Variants in ARHGEF10 observed in about 807,000 individuals in gnomAD.
ARHGEF10 encodes Rho guanine nucleotide exchange factor (GEF) 10.
Under a neutral mutation model 147.4 loss-of-function variants are expected in ARHGEF10, and 140 were observed. The observed-to-expected ratio is 0.95, with a 90% CI of 0.83 to 1.09. The LOEUF is 1.09. Among genes scored for constraint, ARHGEF10 ranks in the 50% least tolerant of loss-of-function variants. ARHGEF10 has a pLI of 0.00. For missense variants in ARHGEF10, 2,222 were observed against 1,752.7 expected, an observed-to-expected ratio of 1.27 and a Z score of -4.78; for synonymous variants, 902 against 695.8, an observed-to-expected ratio of 1.30 and a Z score of -4.67.
At chr8:1,899,904 G>C (rs1173705545) in intron 15 of ARHGEF10, among the ~76,000 whole-genome samples, 1 of 152,184 alleles carries the variant, frequency 6.6e-6, no homozygotes, top group African/African-American at 2.4e-5. Context: ...TTCAGCCACA[G>C]CTGGGAGAGT....
chr8:1,926,725 T>G (rs1812722323), intron 23 of ARHGEF10: 2 of 534,682 alleles, frequency 3.7e-6, no homozygotes, highest in South Asian at 4.2e-5. Context: ...CAGAGACAAC[T>G]AACTAATAAG....
At chr8:1,907,540 C>G (rs1350192206) in intron 17 of ARHGEF10, among the ~76,000 whole-genome samples, 1 of 152,204 alleles carries the variant, frequency 6.6e-6, no homozygotes, top group Non-Finnish European at 1.5e-5. Context: ...CTCCAGAACC[C>G]CTCAGGCTGC....
intron 21 of ARHGEF10, among the ~76,000 whole-genome samples, chr8:1,924,968 A>G (rs1812574048): frequency 6.6e-6 from 1 of 152,230 alleles, no homozygotes; most frequent in African/African-American, 2.4e-5. Flanking sequence ...CTGGAGAAAG[A>G]TAAAGGGAAG....
intron 25 of ARHGEF10, among the ~76,000 whole-genome samples, chr8:1,929,923 T>C (rs1812987358): frequency 6.6e-6 from 1 of 152,192 alleles, no homozygotes; most frequent in Non-Finnish European, 1.5e-5. Context: ...GACGAGGCCC[T>C]CCCTGGCCCA....
rs544299919 is a variant in ARHGEF10, at chr8:1,852,194, G to C, written c.38-5766G>C. The stretch of plus-strand genomic sequence containing the variant: ...AGCCATGTGTGACTTGAGCTGTCCT[G>C]CGGGCCCTCTAGAACCTCTCCATCA... On this transcript the variant is annotated intron_variant, in intron 2 of 28. Transcript: ENST00000349830. Among the ~76,000 whole-genome samples the C allele has an allele frequency of 3.3e-5, 5 of 152,318 alleles. No individual in the cohort carries two copies. The East Asian group carries it at 9.7e-4, about 29-fold the overall frequency.
At chr8:1,839,965 T>G (rs1803882706) in intron 1 of ARHGEF10, among the ~76,000 whole-genome samples, 1 of 148,614 alleles carries the variant, frequency 6.7e-6, no homozygotes, top group Non-Finnish European at 1.5e-5. Context: ...GTGGAAGCTG[T>G]CTGGTGTGGA....
chr8:1,951,578 A>T (rs1203017358), intron 27 of ARHGEF10, among the ~76,000 whole-genome samples: 1 of 152,172 alleles, frequency 6.6e-6, no homozygotes, highest in Admixed American at 6.5e-5. Flanking sequence ...GTTGTTTTTC[A>T]TGCTCTTTAT....
chr8:1,859,932 G>A lies in ARHGEF10; in HGVS notation c.229G>A (p.Val77Met). 6.2e-7 allele frequency: 1 copy of A among 1,614,210 alleles called. No individual in the cohort carries two copies. The highest frequency in any genetic ancestry group is 8.5e-7 in the Non-Finnish European group (1 of 1,180,042). ...EDGAGAETTP[V>M]AEPTKLVLPM... Reference sequence around the variant, plus strand: ...TGGAGCTGGAGCAGAAACCACCCCAGTGGCAGAGCCTACTAAGCTGGTGCT... The same window carrying A: ...TGGAGCTGGAGCAGAAACCACCCCAATGGCAGAGCCTACTAAGCTGGTGCT... The change falls in exon 4 of 29, where the codon GTG becomes ATG. Residue 77 changes from valine to methionine, a missense_variant. Transcript: ENST00000349830.
chr8:1,940,829 A>G (rs1585622785), intron 26 of ARHGEF10, among the ~76,000 whole-genome samples: 2 of 152,240 alleles, frequency 1.3e-5, no homozygotes, highest in African/African-American at 4.8e-5. Flanking sequence ...GTGAAAATCA[A>G]TCAGTGGAAT....
intron 1 of ARHGEF10, among the ~76,000 whole-genome samples, chr8:1,835,031 C>T (rs1421144659): frequency 2.0e-5 from 3 of 152,256 alleles, no homozygotes; most frequent in Non-Finnish European, 2.9e-5. Flanking sequence ...GCTCTGAGCT[C>T]GGCTCGGTCG....
chr8:1,928,032 T>G (rs1305647482), intron 23 of ARHGEF10, among the ~76,000 whole-genome samples: 1 of 152,236 alleles, frequency 6.6e-6, no homozygotes, highest in Non-Finnish European at 1.5e-5. Flanking sequence ...TTTTTCCTAT[T>G]TGAAAGGTTT....
intron 13 of ARHGEF10, among the ~76,000 whole-genome samples, chr8:1,894,800 C>T (rs1239996121): frequency 6.6e-6 from 1 of 152,228 alleles, no homozygotes; most frequent in South Asian, 2.1e-4. Context: ...AGACACTGGA[C>T]AGAAGCTGTA....
intron 1 of ARHGEF10, among the ~76,000 whole-genome samples, 196 bp from the exon 2 acceptor site, chr8:1,843,157 T>C (rs1349502307): frequency 3.9e-5 from 6 of 152,220 alleles, no homozygotes; most frequent in African/African-American, 1.4e-4. Flanking sequence ...AGAAGTCTCT[T>C]TTGTTTTGCT....
At position 1,936,714 on chromosome 8, in the gene ARHGEF10, G is replaced by C. The variant is rs1001634069; in HGVS notation, c.3222+2772G>C. 3.3e-5 allele frequency among the ~76,000 whole-genome samples: 5 copies of C among 152,192 alleles called. No individual in the cohort carries two copies. In the East Asian group the frequency reaches 5.8e-4, roughly 18 times the overall value. Reference sequence around the variant, plus strand: ...TTAGGAGGGATGTATCAGTTCCCCAGGTTAGGAACTTTAAGACATTTTGCT... The same window carrying C: ...TTAGGAGGGATGTATCAGTTCCCCACGTTAGGAACTTTAAGACATTTTGCT... On this transcript the variant is annotated intron_variant, in intron 26 of 28. Coordinates refer to ENST00000349830, the MANE Select transcript of ARHGEF10 (RefSeq NM_014629.4).
chr8:1,874,721 G>GAGCGTAGGGGTGCTTTTCTC (rs1807507625), intron 7 of ARHGEF10, among the ~76,000 whole-genome samples: 1 of 150,570 alleles, frequency 6.6e-6, no homozygotes, highest in Admixed American at 6.6e-5. Flanking sequence ...ACACACCGGG[G>GAGCGTAGGGGTGCTTTTCTC]TGTGTAAGCA....
chr8:1,924,625 G>C (rs1812548309), intron 21 of ARHGEF10, among the ~76,000 whole-genome samples: 1 of 152,220 alleles, frequency 6.6e-6, no homozygotes, highest in African/African-American at 2.4e-5. Flanking sequence ...AAGCCGTCCT[G>C]ACTTTGTGCT....
intron 2 of ARHGEF10, among the ~76,000 whole-genome samples, chr8:1,855,918 CAA>C (rs200606477): frequency 7.0e-6 from 1 of 142,224 alleles, no homozygotes; most frequent in African/African-American, 2.6e-5. Flanking sequence ...AATGATATGG[CAA>C]AAAAAAAAAC....
chr8:1,946,429 C>T (rs567709784), intron 27 of ARHGEF10, among the ~76,000 whole-genome samples: 9 of 152,308 alleles, frequency 5.9e-5, no homozygotes, highest in African/African-American at 2.2e-4. Context: ...GGCAGCATGC[C>T]GGGGAGCACG....
At position 1,957,065 on chromosome 8, in the gene ARHGEF10, C is replaced by T. The variant is rs1048184089; in HGVS notation, c.3837C>T (p.Ser1279=). The change falls in exon 29 of 29, where the codon AGC becomes AGT. Residue 1279 remains serine (S), a synonymous_variant. Coordinates refer to ENST00000349830, the MANE Select transcript of ARHGEF10 (RefSeq NM_014629.4). ...SSSLEHRSED[S]TIYDLLKDPV... ...CTCTAGAGCACAGATCAGAGGACAG[C>T]ACCATCTATGATCTCCTGAAGGATC... The T allele has an allele frequency of 1.2e-6, 2 of 1,613,674 alleles. No individual in the cohort carries two copies. Among genetic ancestry groups the T allele is most frequent in the African/African-American group, 1.3e-5 (1 of 74,930 alleles).
Sources: allele counts gnomAD v4.1 joint callset (sites outside exome capture counted in the v4.1 genomes callset), GRCh38; gene constraint gnomAD v4.1.1; transcripts MANE v1.5; gene names NCBI Gene and HGNC (gene_info 2026-07-23, HGNC 2026-07-21).